DGKB: variants seen among roughly 807,000 people sequenced by gnomAD.
The protein encoded by DGKB is 90 kDa diacylglycerol kinase.
Under a neutral mutation model 114.3 loss-of-function variants are expected in DGKB, and 67 were observed. That is an observed-to-expected ratio of 0.59 (90% CI 0.48 to 0.72). DGKB has a LOEUF of 0.72. DGKB is among the 30% of genes least tolerant of loss of function. DGKB has a pLI of 0.00. For missense variants in DGKB, 907 were observed against 975.2 expected (o/e 0.93, Z 0.93); for synonymous variants, 398 against 323.1 (o/e 1.23, Z -2.49).
chr7:14,475,132 T>G (rs1781975328), intron 21 of DGKB, among the ~76,000 whole-genome samples: 1 of 152,176 alleles, frequency 6.6e-6, no homozygotes, highest in South Asian at 2.1e-4. Context: ...CTTTAAAATA[T>G]AAATGAATTT....
At chr7:14,766,111 A>G (rs1836413399) in intron 2 of DGKB, among the ~76,000 whole-genome samples, 1 of 152,018 alleles carries the variant, frequency 6.6e-6, no homozygotes, top group South Asian at 2.1e-4. Flanking sequence ...ACGGAAATAA[A>G]AAGCCTGCAG....
chr7:14,157,080 T>TATCA (rs1491206982), intron 25 of DGKB, among the ~76,000 whole-genome samples: 3 of 152,144 alleles, frequency 2.0e-5, no homozygotes, highest in Non-Finnish European at 4.4e-5. Flanking sequence ...AAGAGTTTAT[T>TATCA]ATCACTGAAT....
intron 13 of DGKB, among the ~76,000 whole-genome samples, chr7:14,668,897 T>A (rs1354182980): frequency 6.6e-6 from 1 of 152,168 alleles, no homozygotes; most frequent in African/African-American, 2.4e-5. Flanking sequence ...CTGTGCCTAT[T>A]CCATTCATAA....
At position 14,596,568 on chromosome 7, in the gene DGKB, T is replaced by C. The variant is rs1264671924; in HGVS notation, c.1433+10866A>G. 3.3e-5 allele frequency among the ~76,000 whole-genome samples: 5 copies of C among 152,196 alleles called. No homozygotes were observed. In the East Asian group the frequency reaches 9.7e-4, roughly 29 times the overall value. On this transcript the variant is annotated intron_variant, in intron 17 of 25. Transcript: ENST00000402815. The stretch of plus-strand genomic sequence containing the variant: ...TACACAAAAATATCCATGAACCACA[T>C]ATTATAAGTCTCAGGGTTCAATCAT...
intron 23 of DGKB, among the ~76,000 whole-genome samples, chr7:14,329,968 G>C (rs557933199): frequency 2.0e-5 from 3 of 152,066 alleles, no homozygotes; most frequent in Admixed American, 2.0e-4. Flanking sequence ...ATAGACAGAG[G>C]ACTGGACAAC....
At chr7:14,612,759 T>C (rs965691776) in intron 16 of DGKB, among the ~76,000 whole-genome samples, 1 of 152,154 alleles carries the variant, frequency 6.6e-6, no homozygotes, top group African/African-American at 2.4e-5. Context: ...TACTCTTCAA[T>C]GTAGTGATTT....
At chr7:14,869,086 T>A (rs1045860486) in intron 1 of DGKB, among the ~76,000 whole-genome samples, 3 of 152,206 alleles carry the variant, frequency 2.0e-5, no homozygotes, top group African/African-American at 7.2e-5. Context: ...CATGACTAAA[T>A]GTTATCATTT....
intron 21 of DGKB, among the ~76,000 whole-genome samples, chr7:14,385,631 G>A (rs945453884): frequency 6.6e-6 from 1 of 152,124 alleles, no homozygotes; most frequent in African/African-American, 2.4e-5. Context: ...AATCCCATTG[G>A]CAGTCGCAGA....
chr7:14,782,810 T>G (rs1387909861), intron 2 of DGKB, among the ~76,000 whole-genome samples: 1 of 152,048 alleles, frequency 6.6e-6, no homozygotes, highest in Admixed American at 6.5e-5. Context: ...TGATTGTACC[T>G]CAGTTTGCTC....
intron 1 of DGKB, among the ~76,000 whole-genome samples, chr7:14,879,958 T>C (rs1286685705): frequency 6.6e-6 from 1 of 152,208 alleles, no homozygotes; most frequent in Non-Finnish European, 1.5e-5. Context: ...TTACTTAGCA[T>C]TTCTCAGCCT....
At chr7:14,429,196 A>T (rs1230662553) in intron 21 of DGKB, among the ~76,000 whole-genome samples, 1 of 152,134 alleles carries the variant, frequency 6.6e-6, no homozygotes, top group Non-Finnish European at 1.5e-5. Flanking sequence ...TTAAAATCCT[A>T]ATCTCCCGTG....
At chr7:14,951,964 T>C (rs553720486) in intron 1 of DGKB, among the ~76,000 whole-genome samples, 2 of 152,144 alleles carry the variant, frequency 1.3e-5, no homozygotes, top group South Asian at 2.1e-4. Context: ...CCCTACCCCA[T>C]TGATATGCTG....
chr7:14,259,113 A>G (rs1182671033), intron 23 of DGKB, among the ~76,000 whole-genome samples: 2 of 152,162 alleles, frequency 1.3e-5, no homozygotes, highest in Non-Finnish European at 2.9e-5. Context: ...CTCTCCTAGT[A>G]TAGAGAACAG....
intron 20 of DGKB, among the ~76,000 whole-genome samples, chr7:14,548,950 C>T (rs900762277): frequency 6.6e-6 from 1 of 151,600 alleles, no homozygotes; most frequent in African/African-American, 2.4e-5. Context: ...CTAGGGCATG[C>T]TGTCTTCTGC....
intron 2 of DGKB, among the ~76,000 whole-genome samples, chr7:14,808,822 A>T (rs1843069079): frequency 6.6e-6 from 1 of 152,120 alleles, no homozygotes; most frequent in African/African-American, 2.4e-5. Flanking sequence ...ATCTGTAATC[A>T]GCTGTGTGAC....
intron 23 of DGKB, among the ~76,000 whole-genome samples, chr7:14,321,195 G>T: frequency 6.6e-6 from 1 of 152,252 alleles, no homozygotes; most frequent in African/African-American, 2.4e-5. Flanking sequence ...GGAAGCTGAG[G>T]TGGGAGAATC....
chr7:14,816,312 A>T (rs1294855593), intron 2 of DGKB: 4 of 152,302 alleles, frequency 2.6e-5, no homozygotes, highest in Non-Finnish European at 5.9e-5. Context: ...ACTGCACTCC[A>T]GCCTGGGTGA....
intron 20 of DGKB, among the ~76,000 whole-genome samples, chr7:14,554,931 A>G (rs1795665042): frequency 6.6e-6 from 1 of 152,158 alleles, no homozygotes; most frequent in Non-Finnish European, 1.5e-5. Context: ...TTTAAAAGTT[A>G]ATGAGTTTTA....
At chr7:14,472,839 A>G (rs1394307264) in intron 21 of DGKB, among the ~76,000 whole-genome samples, 2 of 152,140 alleles carry the variant, frequency 1.3e-5, no homozygotes, top group African/African-American at 4.8e-5. Context: ...TCCCTGCCCT[A>G]GAGATTTGTG....
Sources: allele counts gnomAD v4.1 joint callset (sites outside exome capture counted in the v4.1 genomes callset), GRCh38; gene constraint gnomAD v4.1.1; transcripts MANE v1.5; gene names NCBI Gene and HGNC (gene_info 2026-07-23, HGNC 2026-07-21).